Variants in ROCK1 observed in about 807,000 individuals in gnomAD.
The protein encoded by ROCK1 is rho-associated protein kinase 1.
A neutral mutation model predicts 196.8 loss-of-function variants in ROCK1; 36 were observed. That is an observed-to-expected ratio of 0.18 (90% CI 0.14 to 0.24). The LOEUF is 0.24. ROCK1 is among the 10% of genes least tolerant of loss of function. The pLI, the probability that ROCK1 is intolerant of heterozygous loss-of-function variation, is 1.00. For missense variants in ROCK1, 920 were observed against 1,562.0 expected (o/e 0.59, Z 6.93); for synonymous variants, 443 against 515.9 (o/e 0.86, Z 1.91).
chr18:21,027,631 C>T (rs562993872), intron 10 of ROCK1, among the ~76,000 whole-genome samples: 42 of 151,784 alleles, frequency 2.8e-4, no homozygotes, highest in African/African-American at 9.2e-4. Context: ...TTGTTATTAT[C>T]ATCATCCCTA....
At chr18:21,070,445 A>G in intron 2 of ROCK1, 87 bp downstream of exon 2, 1 of 672,760 alleles carries the variant, frequency 1.5e-6, no homozygotes, top group Non-Finnish European at 2.4e-6. Context: ...CAAAAAGTAA[A>G]TAGAAGAAAA....
At chr18:20,962,866 A>C (rs1312020700) in intron 27 of ROCK1, among the ~76,000 whole-genome samples, 2 of 152,196 alleles carry the variant, frequency 1.3e-5, no homozygotes, top group Non-Finnish European at 2.9e-5. Flanking sequence ...CAATAATAAC[A>C]GATAAAAAAA....
At chr18:21,049,461 T>C (rs2036187227) in intron 3 of ROCK1, among the ~76,000 whole-genome samples, 2 of 152,228 alleles carry the variant, frequency 1.3e-5, no homozygotes, top group Non-Finnish European at 1.5e-5. Flanking sequence ...TACAAGACAC[T>C]TTCCCCCCTC....
chr18:20,959,105 A>ATATATATTATATAATATATATAATAT (rs2035293020), intron 29 of ROCK1, among the ~76,000 whole-genome samples: 1 of 33,924 alleles, frequency 2.9e-5, no homozygotes, highest in East Asian at 9.7e-4. Flanking sequence ...TATATATATT[A>ATATATATTATATAATATATATAATAT]TATATATATT....
At chr18:21,097,646 T>A (rs543836932) in intron 1 of ROCK1, among the ~76,000 whole-genome samples, 4 of 152,266 alleles carry the variant, frequency 2.6e-5, no homozygotes, top group African/African-American at 9.6e-5. Context: ...TCCACTTAGA[T>A]CAAAAGTAGT....
At chr18:21,093,255 C>A (rs2036586044) in intron 1 of ROCK1, among the ~76,000 whole-genome samples, 1 of 152,150 alleles carries the variant, frequency 6.6e-6, no homozygotes, top group Admixed American at 6.5e-5. Context: ...TGGTGGACAA[C>A]ACCAAAGAAG....
At position 20,949,310 on chromosome 18, in the gene ROCK1, T is replaced by G. The variant is rs889002199; in HGVS notation, c.*2074A>C. 1 of 152,124 alleles carries G rather than the reference T, an allele frequency of 6.6e-6. No homozygotes were observed. The highest frequency in any genetic ancestry group is 2.4e-5 in the African/African-American group (1 of 41,402). The allele number at this position is 152,124 out of a possible 1,614,324, so 9.4% of individuals were successfully genotyped here. ...TGTTTGCATGCTGCCAGTCACAGTT[T>G]CATGGATCCTGACAAAAGAGATGAG... On this transcript the variant is annotated 3_prime_UTR_variant, in exon 33 of 33. Transcript: ENST00000399799.
At chr18:21,019,536 G>A (rs1448625315) in intron 12 of ROCK1, among the ~76,000 whole-genome samples, 1 of 152,066 alleles carries the variant, frequency 6.6e-6, no homozygotes, top group African/African-American at 2.4e-5. Flanking sequence ...GCTCACACCT[G>A]TAATCCCAGC....
chr18:21,097,159 G>C (rs1189921595), intron 1 of ROCK1, among the ~76,000 whole-genome samples: 1 of 152,154 alleles, frequency 6.6e-6, no homozygotes, highest in East Asian at 1.9e-4. Context: ...TAAAGACTAA[G>C]TAAATAGGTA....
intron 2 of ROCK1, among the ~76,000 whole-genome samples, chr18:21,063,984 CTTGA>C: frequency 6.6e-6 from 1 of 152,284 alleles, no homozygotes; most frequent in East Asian, 1.9e-4. Flanking sequence ...TGTAAACTGC[CTTGA>C]TTTAGAGGTA....
chr18:20,986,942 T>C lies in ROCK1; in HGVS notation c.2304+8A>G, dbSNP rs372537221. 6.9e-6 allele frequency: 11 copies of C among 1,585,488 alleles called. No homozygotes were observed. The highest frequency in any genetic ancestry group is 5.8e-5 in the Admixed American group (3 of 51,410). On this transcript the variant is annotated splice_region_variant and intron_variant, in intron 19 of 32. Transcript: ENST00000399799. Reference sequence around the variant, plus strand: ...ATAGATGAACAAAGTCAGTACTATTTTTCTTACTTCATCCTCCATCCTTTC... The same window carrying C: ...ATAGATGAACAAAGTCAGTACTATTCTTCTTACTTCATCCTCCATCCTTTC...
At chr18:21,044,036 A>C in intron 6 of ROCK1, 66 bp downstream of exon 6, 2 of 962,010 alleles carry the variant, frequency 2.1e-6, no homozygotes, top group Non-Finnish European at 3.2e-6. Context: ...AGAATTCTTA[A>C]ACCATTTTCT....
At chr18:21,069,672 T>C (rs2036366929) in intron 2 of ROCK1, among the ~76,000 whole-genome samples, 1 of 152,050 alleles carries the variant, frequency 6.6e-6, no homozygotes, top group South Asian at 2.1e-4. Context: ...TTAAGATAAA[T>C]AGTCAAGCCT....
intron 22 of ROCK1, among the ~76,000 whole-genome samples, chr18:20,973,364 G>T (rs1195146226): frequency 6.6e-6 from 1 of 151,590 alleles, no homozygotes; most frequent in Non-Finnish European, 1.5e-5. Flanking sequence ...TGCAATCTTC[G>T]CCTCCCAGGT....
At chr18:21,030,398 T>A (rs1043324597) in intron 9 of ROCK1, among the ~76,000 whole-genome samples, 17 of 152,296 alleles carry the variant, frequency 1.1e-4, no homozygotes, top group African/African-American at 4.1e-4. Context: ...TAAACATCCT[T>A]AAGTTTAGGA....
intron 13 of ROCK1, among the ~76,000 whole-genome samples, chr18:21,011,086 GAT>G (rs1248741758): frequency 6.6e-6 from 1 of 152,088 alleles, no homozygotes; most frequent in African/African-American, 2.4e-5. Context: ...GTTTCTGACA[GAT>G]ATATAAATGG....
intron 20 of ROCK1, among the ~76,000 whole-genome samples, chr18:20,983,737 T>C (rs1442705044): frequency 6.6e-6 from 1 of 152,036 alleles, no homozygotes; most frequent in Non-Finnish European, 1.5e-5. Flanking sequence ...CCAATATAAA[T>C]CCAATTTTAT....
intron 20 of ROCK1, 98 bp from the exon 21 acceptor site, chr18:20,982,930 C>G: frequency 1.7e-6 from 1 of 577,204 alleles, no homozygotes; most frequent in South Asian, 2.3e-5. Flanking sequence ...AAAAAGTTTA[C>G]TAAAACAATC....
intron 1 of ROCK1, among the ~76,000 whole-genome samples, chr18:21,085,714 T>C (rs2036520979): frequency 6.6e-6 from 1 of 152,240 alleles, no homozygotes; most frequent in Admixed American, 6.5e-5. Context: ...CTGTCTCATA[T>C]TCCAAGCTAG....
Sources: gnomAD v4.1 joint callset for allele counts (sites outside exome capture counted in the v4.1 genomes callset) on GRCh38, gnomAD v4.1.1 for gene constraint, MANE v1.5 for transcripts, NCBI Gene and HGNC (gene_info 2026-07-23, HGNC 2026-07-21) for gene names.